The following C1orf141 variants were observed in gnomAD, a reference collection of about 807,000 sequenced individuals.
C1orf141 encodes the protein chromosome 1 open reading frame 141.
C1orf141 carries 19 observed loss-of-function variants against 23.2 expected under a neutral mutation model. The observed-to-expected ratio is 0.82, with a 90% confidence interval of 0.57 to 1.20. The LOEUF (loss-of-function observed/expected upper bound fraction) is 1.20, where lower values mean the gene tolerates loss of function less well. Ranked by LOEUF, C1orf141 falls within the 50% of genes most tolerant of loss-of-function variation. The pLI, the probability that C1orf141 is intolerant of heterozygous loss-of-function variation, is 0.00. For synonymous variants in C1orf141, 153 were observed against 154.6 expected (o/e 0.99, Z 0.08); for missense variants, 469 against 455.1 (o/e 1.03, Z -0.28).
In C1orf141 at chr1:67,115,354, G is replaced by C. The variant is rs945204364; in HGVS notation, c.344C>G (p.Thr115Arg). Residue 115 changes from threonine (T) to arginine (R), a missense_variant and splice_region_variant, in exon 5 of 8, where the codon ACA becomes AGA. Thr to Arg is a moderately conservative substitution (Grantham distance 71, BLOSUM62 -1). Coordinates refer to ENST00000684719, the MANE Select transcript of C1orf141 (RefSeq NM_001276351.2). ...TNVKNKESES[T>R]AQIEKKPRKP... ...AAATATGTTACACAAAGCATTACCTGTTGACTCACTTTCTTTATTTTTTAC... is the reference window on the plus strand; with the variant it reads ...AAATATGTTACACAAAGCATTACCTCTTGACTCACTTTCTTTATTTTTTAC... The C allele has an allele frequency of 9.2e-7, 1 of 1,088,638 alleles. No homozygotes were observed. The highest frequency in any genetic ancestry group is 1.4e-6 in the Non-Finnish European group (1 of 720,986). The allele number at this position is 1,088,638 out of a possible 1,614,324, so 67.4% of individuals were successfully genotyped here. A position where few individuals can be genotyped will look rare whatever the true frequency, so the allele number is the denominator to read the frequency against.
chr1:67,132,148 CT>C (rs1646526896), intron 1 of C1orf141, among the ~76,000 whole-genome samples: 1 of 151,754 alleles, frequency 6.6e-6, no homozygotes, highest in South Asian at 2.1e-4. Flanking sequence ...TTGTGTGCTC[CT>C]GGCCTCAAGC....
intron 1 of C1orf141, among the ~76,000 whole-genome samples, chr1:67,134,571 T>G (rs1189256247): frequency 6.6e-6 from 1 of 152,210 alleles, no homozygotes; most frequent in African/African-American, 2.4e-5. Context: ...TTCCCCCAGG[T>G]GCCTCCATCT....
intron 4 of C1orf141, among the ~76,000 whole-genome samples, chr1:67,116,034 C>T (rs1487640867): frequency 6.6e-6 from 1 of 152,184 alleles, no homozygotes; most frequent in Non-Finnish European, 1.5e-5. Flanking sequence ...AAGCCAGTCC[C>T]ACACTGTAAC....
intron 2 of C1orf141, among the ~76,000 whole-genome samples, chr1:67,128,353 CTTTATTTA>C (rs142954688): frequency 0.017 from 2,563 of 147,526 alleles, 47 homozygotes; most frequent in African/African-American, 0.028. Context: ...CCAAAGCTCC[CTTTATTTA>C]TTTATTTATT....
chr1:67,114,765 C>T (rs578254653), intron 5 of C1orf141, among the ~76,000 whole-genome samples: 13 of 152,342 alleles, frequency 8.5e-5, no homozygotes, highest in Admixed American at 7.8e-4. Flanking sequence ...CAGCCTCTGC[C>T]TCCTGGGTTC....
intron 5 of C1orf141, chr1:67,111,547 G>A (rs1646071741): frequency 1.1e-6 from 1 of 878,796 alleles, no homozygotes; most frequent in Non-Finnish European, 1.6e-6. Context: ...TTTCTATTAA[G>A]TAATTACTGA....
At chr1:67,136,709 T>C (rs1050633091), upstream of C1orf141, among the ~76,000 whole-genome samples, 1 of 152,204 alleles carries the variant, frequency 6.6e-6, no homozygotes, top group Non-Finnish European at 1.5e-5. Flanking sequence ...TTAATTCGTA[T>C]CTATGGAAAG....
chr1:67,115,337 T>G lies in C1orf141; in HGVS notation c.346+15A>C. ...TAATAAATCAAAGAAGTAAATATGTTACACAAAGCATTACCTGTTGACTCA... is the reference window on the plus strand; with the variant it reads ...TAATAAATCAAAGAAGTAAATATGTGACACAAAGCATTACCTGTTGACTCA... On this transcript the variant is annotated intron_variant, in intron 5 of 7. Transcript: ENST00000684719. 1.1e-6 allele frequency: 1 copy of G among 913,288 alleles called. No homozygotes were observed. The highest frequency in any genetic ancestry group is 1.8e-6 in the Non-Finnish European group (1 of 565,222). The allele number at this position is 913,288 out of a possible 1,614,324, so 56.6% of individuals were successfully genotyped here. A position where few individuals can be genotyped will look rare whatever the true frequency, so the allele number is the denominator to read the frequency against.
rs538932928 is a variant in C1orf141 at position 67,109,883 on chromosome 1, T to C, written c.346+5469A>G. Among the ~76,000 whole-genome samples, 5 of 152,178 alleles carry C rather than the reference T, an allele frequency of 3.3e-5. No individual in the cohort carries two copies. In the East Asian group the frequency reaches 9.6e-4, roughly 29 times the overall value. On this transcript the variant is annotated intron_variant, in intron 5 of 7. Coordinates refer to ENST00000684719, the MANE Select transcript of C1orf141 (RefSeq NM_001276351.2). Reference sequence around the variant, plus strand: ...GTGTACTGAACAGTTAAGGTCTAAATATGAGGGAAACTAAAACATGGCATT... The same window carrying C: ...GTGTACTGAACAGTTAAGGTCTAAACATGAGGGAAACTAAAACATGGCATT...
At chr1:67,110,023 C>T (rs971816821) in intron 5 of C1orf141, among the ~76,000 whole-genome samples, 9 of 151,620 alleles carry the variant, frequency 5.9e-5, no homozygotes, top group Admixed American at 2.0e-4. Context: ...AGAGACATTA[C>T]TATAATGTAA....
At chr1:67,123,733 A>G (rs759637279) in intron 4 of C1orf141, 2 of 152,172 alleles carry the variant, frequency 1.3e-5, no homozygotes, top group Non-Finnish European at 2.9e-5. Context: ...AAAAACCACT[A>G]AGAGTCTGAG....
intron 2 of C1orf141, among the ~76,000 whole-genome samples, chr1:67,128,373 ATTTAT>A (rs1646457447): frequency 1.1e-4 from 1 of 9,330 alleles, no homozygotes; most frequent in Non-Finnish European, 2.4e-4. Context: ...TTATTTATTT[ATTTAT>A]TTATTTATTT....
chr1:67,121,931 G>C (rs1646307860), intron 4 of C1orf141: 1 of 152,242 alleles, frequency 6.6e-6, no homozygotes, highest in Non-Finnish European at 1.5e-5. Flanking sequence ...GGCTTGTATA[G>C]GGACGGGAAA....
intron 5 of C1orf141, among the ~76,000 whole-genome samples, chr1:67,114,923 G>T (rs57725967): frequency 0.012 from 1,784 of 152,256 alleles, 34 homozygotes; most frequent in African/African-American, 0.04. Context: ...GGATCCACCC[G>T]CCTCGGCCTC....
In C1orf141 at chr1:67,128,839, G is replaced by T. The variant is rs72676041; in HGVS notation, c.-17-1582C>A. 7.5e-3 allele frequency among the ~76,000 whole-genome samples: 1,138 copies of T among 152,224 alleles called. 5 individuals are homozygous for T. Among genetic ancestry groups the T allele is most frequent in the Non-Finnish European group, 0.011 (771 of 68,026 alleles). On this transcript the variant is annotated intron_variant, in intron 2 of 7. Transcript: ENST00000684719. ...GTACAGAATCATCAATGTTTTCAAT[G>T]AATATTAATGTTAATACTAAGGTTC...
intron 2 of C1orf141, among the ~76,000 whole-genome samples, chr1:67,128,333 G>A (rs945128064): frequency 6.6e-6 from 1 of 151,792 alleles, no homozygotes; most frequent in Admixed American, 6.6e-5. Flanking sequence ...AAGAATCCAG[G>A]AATATCAACC....
intron 5 of C1orf141, among the ~76,000 whole-genome samples, chr1:67,106,235 T>C (rs969357288): frequency 1.3e-5 from 2 of 152,206 alleles, no homozygotes; most frequent in African/African-American, 4.8e-5. Flanking sequence ...TCAATCCAAC[T>C]TGACCTAAAA....
chr1:67,137,618 G>A (rs1188784696), upstream of C1orf141, among the ~76,000 whole-genome samples: 1 of 152,134 alleles, frequency 6.6e-6, no homozygotes, highest in African/African-American at 2.4e-5. Flanking sequence ...GACTATGCAG[G>A]TGTGGCCACC....
chr1:67,125,403 A>T (rs1005804321), intron 4 of C1orf141, among the ~76,000 whole-genome samples: 2 of 152,194 alleles, frequency 1.3e-5, no homozygotes, highest in Non-Finnish European at 2.9e-5. Context: ...TAATGTTTTA[A>T]AACTCTGAAC....
Sources: allele counts gnomAD v4.1 joint callset (sites outside exome capture counted in the v4.1 genomes callset), GRCh38; gene constraint gnomAD v4.1.1; transcripts MANE v1.5; gene names NCBI Gene and HGNC (gene_info 2026-07-23, HGNC 2026-07-21).